Variants in CCDC60 observed in about 807,000 individuals in gnomAD.
CCDC60 encodes coiled-coil domain containing 60, also known as coiled-coil domain-containing protein 60.
A neutral mutation model predicts 63.5 loss-of-function variants in CCDC60; 54 were observed. The ratio of observed to expected loss-of-function variants is 0.85; its 90% CI spans 0.68 to 1.07. CCDC60 has a LOEUF of 1.07. CCDC60 is among the 50% of genes least tolerant of loss of function. The pLI, the probability that CCDC60 is intolerant of heterozygous loss-of-function variation, is 0.00. For missense variants in CCDC60, 651 were observed against 684.3 expected (o/e 0.95, Z 0.54); for synonymous variants, 206 against 238.8 (o/e 0.86, Z 1.27).
chr12:119,465,536 T>C (rs1295547032), intron 2 of CCDC60, among the ~76,000 whole-genome samples: 1 of 152,022 alleles, frequency 6.6e-6, no homozygotes, highest in Non-Finnish European at 1.5e-5. Flanking sequence ...GGCAGGTGGA[T>C]CACCTCAGGT....
intron 11 of CCDC60, among the ~76,000 whole-genome samples, chr12:119,524,721 C>CTTTTTTTTTTTTTTTTTTTTTTTTTTTTT (rs55694840): frequency 1.8e-4 from 18 of 99,032 alleles, no homozygotes; most frequent in East Asian, 5.8e-4. Flanking sequence ...CTTTTCTTTT[C>CTTTTTTTTTTTTTTTTTTTTTTTTTTTTT]TTTTTTTTTT....
At position 119,516,661 on chromosome 12, in the gene CCDC60, C is replaced by T. The variant is rs148047293; in HGVS notation, c.922C>T (p.Arg308Trp). ...CCTGGAGATGGTTCGGGAAGATGCC[C>T]GGAGGACAGTCACAATAGAAAATGG... ...KLLEMVREDARRTVTIENGMQ... is the reference protein window; with the variant it reads ...KLLEMVREDAWRTVTIENGMQ... The change falls in exon 8 of 14, where the codon CGG (arginine) becomes TGG (tryptophan). Residue 308 changes from arginine (R) to tryptophan (W), a missense_variant. Coordinates refer to ENST00000327554, the MANE Select transcript of CCDC60 (RefSeq NM_178499.5). 2.2e-4 allele frequency: 361 copies of T among 1,613,712 alleles called. No homozygotes were observed. The highest frequency in any genetic ancestry group is 2.8e-4 in the Non-Finnish European group (331 of 1,179,856).
At chr12:119,533,776 A>G (rs188120292) in intron 13 of CCDC60, among the ~76,000 whole-genome samples, 2 of 152,304 alleles carry the variant, frequency 1.3e-5, no homozygotes, top group East Asian at 1.9e-4. Flanking sequence ...CCATTGGTCT[A>G]TAAGTCTGTT....
At chr12:119,496,997 A>C (rs979095854) in intron 5 of CCDC60, among the ~76,000 whole-genome samples, 4 of 152,188 alleles carry the variant, frequency 2.6e-5, no homozygotes, top group African/African-American at 7.2e-5. Flanking sequence ...TCACCTTTCA[A>C]ATCCAACAGG....
chr12:119,519,235 A>G (rs1002505591), intron 8 of CCDC60, among the ~76,000 whole-genome samples: 2 of 152,126 alleles, frequency 1.3e-5, no homozygotes, highest in African/African-American at 4.8e-5. Context: ...CCCCAGCCTC[A>G]AGGCCGGGCT....
chr12:119,430,705 T>C (rs1207645786), intron 2 of CCDC60, among the ~76,000 whole-genome samples: 1 of 141,956 alleles, frequency 7.0e-6, no homozygotes, highest in African/African-American at 2.6e-5. Context: ...CATGAGGACA[T>C]AGCAGGAACT....
chr12:119,434,450 T>A (rs530081675), intron 2 of CCDC60, among the ~76,000 whole-genome samples: 2 of 152,266 alleles, frequency 1.3e-5, no homozygotes, highest in East Asian at 1.9e-4. Context: ...CTGTCTTTGA[T>A]GAATAAGAGA....
intron 6 of CCDC60, among the ~76,000 whole-genome samples, chr12:119,503,826 T>C (rs1385183594): frequency 1.3e-5 from 2 of 152,198 alleles, no homozygotes; most frequent in African/African-American, 4.8e-5. Flanking sequence ...GCGCAATGTG[T>C]ATTAAATGTT....
intron 6 of CCDC60, among the ~76,000 whole-genome samples, chr12:119,504,117 C>A (rs2136426287): frequency 6.6e-6 from 1 of 152,214 alleles, no homozygotes; most frequent in African/African-American, 2.4e-5. Context: ...TTCGATGTCA[C>A]TGAAAAAAAA....
chr12:119,441,197 T>C (rs1375101124), intron 2 of CCDC60, among the ~76,000 whole-genome samples: 1 of 152,146 alleles, frequency 6.6e-6, no homozygotes, highest in Non-Finnish European at 1.5e-5. Context: ...GTCAGGATGT[T>C]CATAAGCGGA....
rs549690788 is a variant in CCDC60, at chr12:119,531,425, C to T, written c.1551+362C>T. 2.6e-5 allele frequency among the ~76,000 whole-genome samples: 4 copies of T among 152,300 alleles called. No homozygotes were observed. The East Asian group carries it at 5.8e-4, about 22-fold the overall frequency. On this transcript the variant is annotated intron_variant, in intron 13 of 13. Transcript: ENST00000327554. ...TGCAGGTTTCAAGTCAATCTGCCAA[C>T]TCCAAGTTTATATTTTAATGGGATT...
intron 1 of CCDC60, among the ~76,000 whole-genome samples, chr12:119,363,576 C>T (rs1464486734): frequency 6.6e-6 from 1 of 152,060 alleles, no homozygotes; most frequent in Non-Finnish European, 1.5e-5. Context: ...ATTAGAAAGC[C>T]ACAAGACACA....
chr12:119,424,829 A>T (rs560110493), intron 1 of CCDC60, among the ~76,000 whole-genome samples: 1 of 152,318 alleles, frequency 6.6e-6, no homozygotes, highest in South Asian at 2.1e-4. Flanking sequence ...TTTGACAGAA[A>T]TGGTTTCCTG....
intron 1 of CCDC60, among the ~76,000 whole-genome samples, chr12:119,380,441 A>G (rs1460271593): frequency 6.6e-6 from 1 of 152,216 alleles, no homozygotes; most frequent in Non-Finnish European, 1.5e-5. Context: ...TGGGAAATGA[A>G]TATCAAGAAA....
chr12:119,418,801 G>A (rs1956757495), intron 1 of CCDC60, among the ~76,000 whole-genome samples: 1 of 152,136 alleles, frequency 6.6e-6, no homozygotes, highest in African/African-American at 2.4e-5. Flanking sequence ...TCAATCAAGG[G>A]ACCATGCATT....
intron 13 of CCDC60, among the ~76,000 whole-genome samples, chr12:119,534,986 G>A (rs1039925721): frequency 2.6e-5 from 4 of 152,214 alleles, no homozygotes; most frequent in Non-Finnish European, 4.4e-5. Flanking sequence ...AGTTTCAGAA[G>A]GAATGGTACC....
chr12:119,463,267 G>A (rs1312876378), intron 2 of CCDC60, among the ~76,000 whole-genome samples: 1 of 152,194 alleles, frequency 6.6e-6, no homozygotes, highest in East Asian at 1.9e-4. Flanking sequence ...AACCACCCAA[G>A]TTAGTCCTTG....
At chr12:119,345,538 C>G (rs1236560693) in intron 1 of CCDC60, among the ~76,000 whole-genome samples, 1 of 140,264 alleles carries the variant, frequency 7.1e-6, no homozygotes, top group Non-Finnish European at 1.6e-5. Context: ...AAGAGAGAGA[C>G]AGCAAATGGG....
intron 7 of CCDC60, among the ~76,000 whole-genome samples, chr12:119,508,053 C>T (rs1952102871): frequency 6.6e-6 from 1 of 152,002 alleles, no homozygotes; most frequent in African/African-American, 2.4e-5. Context: ...TGCCTGTAGT[C>T]CTAGCTACTT....
Sources: allele counts gnomAD v4.1 joint callset (sites outside exome capture counted in the v4.1 genomes callset), GRCh38; gene constraint gnomAD v4.1.1; transcripts MANE v1.5; gene names NCBI Gene and HGNC (gene_info 2026-07-23, HGNC 2026-07-21).